LINGO1: variants seen among roughly 807,000 people sequenced by gnomAD.
LINGO1 encodes the protein leucine rich repeat and Ig domain containing 1, also known as leucine-rich repeat and immunoglobulin-like domain-containing nogo receptor-interacting protein 1.
In LINGO1, 11 loss-of-function variants were observed where a neutral mutation model predicts 37.3. That is an observed-to-expected ratio of 0.29 (90% CI 0.19 to 0.49). The LOEUF (loss-of-function observed/expected upper bound fraction) is 0.49, where lower values mean the gene tolerates loss of function less well. LINGO1 is among the 20% of genes least tolerant of loss of function. The pLI is 0.99. For synonymous variants in LINGO1, 387 were observed against 403.0 expected (o/e 0.96, Z 0.48); for missense variants, 585 against 878.2 (o/e 0.67, Z 4.22).
intron 2 of LINGO1, among the ~76,000 whole-genome samples, chr15:77,683,295 T>C (rs1359388547): frequency 2.0e-5 from 3 of 152,150 alleles, no homozygotes; most frequent in Non-Finnish European, 2.9e-5. Context: ...TGGCCCAACC[T>C]TGGGAAGAGC....
At chr15:77,819,512 C>T (rs1320716169) in intron 1 of LINGO1, 1 of 151,756 alleles carries the variant, frequency 6.6e-6, no homozygotes, top group Non-Finnish European at 1.5e-5. Flanking sequence ...GCCTCCTGCT[C>T]GCCACGATGC....
intron 3 of LINGO1, among the ~76,000 whole-genome samples, chr15:77,647,486 G>C (rs1327037923): frequency 6.6e-6 from 1 of 152,130 alleles, no homozygotes; most frequent in Non-Finnish European, 1.5e-5. Flanking sequence ...CAGGCAGAGA[G>C]GGGGTCAAAC....
intron 1 of LINGO1, among the ~76,000 whole-genome samples, chr15:77,774,010 A>G (rs2076611941): frequency 6.6e-6 from 1 of 152,068 alleles, no homozygotes; most frequent in Admixed American, 6.5e-5. Context: ...CAGCAGTTGC[A>G]AGTCCCCACA....
chr15:77,696,128 T>C (rs980347426), intron 1 of LINGO1: 4 of 152,148 alleles, frequency 2.6e-5, no homozygotes, highest in African/African-American at 7.2e-5. Flanking sequence ...AATATCTCTG[T>C]ATAATGGGGA....
At chr15:77,741,114 G>T (rs894703610) in intron 1 of LINGO1, among the ~76,000 whole-genome samples, 2 of 152,220 alleles carry the variant, frequency 1.3e-5, no homozygotes, top group African/African-American at 4.8e-5. Flanking sequence ...GGCCAGCGGG[G>T]GCAAGAGGCA....
At chr15:77,719,298 A>G (rs2076021225) in intron 2 of LINGO1, among the ~76,000 whole-genome samples, 1 of 150,108 alleles carries the variant, frequency 6.7e-6, no homozygotes. Context: ...GTCTCCTGCC[A>G]GCACCAGCAC....
intron 1 of LINGO1, among the ~76,000 whole-genome samples, chr15:77,750,325 G>A (rs1008194068): frequency 6.6e-6 from 1 of 152,238 alleles, no homozygotes; most frequent in Admixed American, 6.5e-5. Context: ...TACATGAGAA[G>A]TAGAATTAGC....
chr15:77,757,411 T>G (rs2076431298), intron 1 of LINGO1, among the ~76,000 whole-genome samples: 1 of 152,156 alleles, frequency 6.6e-6, no homozygotes, highest in African/African-American at 2.4e-5. Flanking sequence ...ACAGAAATAC[T>G]GAGGTGGCTG....
intron 2 of LINGO1, among the ~76,000 whole-genome samples, chr15:77,708,424 G>A (rs1389880308): frequency 2.0e-5 from 3 of 152,194 alleles, no homozygotes; most frequent in Non-Finnish European, 4.4e-5. Context: ...AAGCCACAGG[G>A]TGGAAGTCTG....
At chr15:77,683,281 C>T (rs1288619724) in intron 2 of LINGO1, among the ~76,000 whole-genome samples, 2 of 152,204 alleles carry the variant, frequency 1.3e-5, no homozygotes, top group African/African-American at 2.4e-5. Flanking sequence ...GGGGCAGCAT[C>T]AGCTGGCCCA....
At position 77,794,208 on chromosome 15, in the gene LINGO1, C is replaced by T. The variant is rs993003820; in HGVS notation, c.-343+1731G>A. On this transcript the variant is annotated intron_variant, in intron 2 of 5. Transcript: ENST00000562933. ...CTCACCCATCTCTCAGCAGCAATTA[C>T]AGGTTAAACTGGAGGGACTAATTAG... Among the ~76,000 whole-genome samples, 7 of 151,862 alleles carry T rather than the reference C, an allele frequency of 4.6e-5. No individual in the cohort carries two copies. The East Asian group carries it at 1.2e-3, about 25-fold the overall frequency.
At chr15:77,638,680 G>A (rs1208858283), upstream of LINGO1, among the ~76,000 whole-genome samples, 9 of 152,204 alleles carry the variant, frequency 5.9e-5, no homozygotes, top group Admixed American at 3.9e-4. Context: ...CTCGAAAGGT[G>A]CCCAGCATCA....
At chr15:77,805,733 G>A (rs8031991) in intron 1 of LINGO1, among the ~76,000 whole-genome samples, 119,502 of 152,136 alleles carry the variant, frequency 0.79, 47,762 homozygotes, top group Non-Finnish European at 0.86. Flanking sequence ...TCCTCCATGC[G>A]TTTCCTGCCG....
intron 3 of LINGO1, among the ~76,000 whole-genome samples, chr15:77,644,001 C>T (rs535458634): frequency 1.3e-5 from 2 of 152,342 alleles, no homozygotes; most frequent in Non-Finnish European, 1.5e-5. Flanking sequence ...GGTGAGGACA[C>T]GCTGGGAGAA....
Position 77,615,769 on chromosome 15 carries a change from G to A in LINGO1, c.138C>T (p.Cys46=), listed in dbSNP as rs753661628. The change falls in exon 2 of 2, where the codon TGC becomes TGT. Residue 46 remains cysteine, a synonymous_variant. Transcript: ENST00000355300. ...CAGCGCGGTCCTGGGCGGAGCACTC[G>A]CAGCGGGGCGGGCAGCCCGTGGCCG... The part of the protein sequence containing the change: ...SGSATGCPPR[C]ECSAQDRAVL... 49 of 1,575,618 alleles carry A rather than the reference G, an allele frequency of 3.1e-5. No homozygotes were observed. The highest frequency in any genetic ancestry group is 1.0e-4 in the South Asian group (9 of 87,194).
intron 1 of LINGO1, among the ~76,000 whole-genome samples, chr15:77,768,703 C>T (rs1034735506): frequency 6.6e-6 from 1 of 152,148 alleles, no homozygotes. Flanking sequence ...CTCTGTCTCT[C>T]TTCCCCTCCT....
intron 2 of LINGO1, among the ~76,000 whole-genome samples, chr15:77,705,393 G>A (rs998891131): frequency 6.6e-6 from 1 of 152,164 alleles, no homozygotes; most frequent in Non-Finnish European, 1.5e-5. Context: ...GGGGCTCACT[G>A]TCCAAGGGGA....
chr15:77,724,958 GGAGAGCCT>G (rs1191289478), intron 2 of LINGO1, among the ~76,000 whole-genome samples: 3 of 152,216 alleles, frequency 2.0e-5, no homozygotes, highest in African/African-American at 7.2e-5. Flanking sequence ...CCCCACCCCA[GGAGAGCCT>G]GAGATGAAGG....
intron 2 of LINGO1, among the ~76,000 whole-genome samples, chr15:77,681,577 C>A (rs1198331894): frequency 6.6e-6 from 1 of 152,136 alleles, no homozygotes; most frequent in African/African-American, 2.4e-5. Flanking sequence ...GGGAGGAGTC[C>A]CTGAATGCAA....
Sources: allele counts gnomAD v4.1 joint callset (sites outside exome capture counted in the v4.1 genomes callset), GRCh38; gene constraint gnomAD v4.1.1; transcripts MANE v1.5; gene names NCBI Gene and HGNC (gene_info 2026-07-23, HGNC 2026-07-21).